SCAPER: variants seen among roughly 807,000 people sequenced by gnomAD.
SCAPER encodes S phase cyclin A-associated protein in the endoplasmic reticulum.
SCAPER carries 98 observed loss-of-function variants against 182.2 expected under a neutral mutation model. That is an observed-to-expected ratio of 0.54 (90% CI 0.46 to 0.64). SCAPER has a LOEUF of 0.64. Among genes scored for constraint, SCAPER ranks in the 30% least tolerant of loss-of-function variants. The pLI, the probability that SCAPER is intolerant of heterozygous loss-of-function variation, is 0.00. For synonymous variants in SCAPER, 605 were observed against 564.6 expected (o/e 1.07, Z -1.01); for missense variants, 1,432 against 1,690.0 (o/e 0.85, Z 2.68).
At chr15:76,642,427 T>G (rs1448346844) in intron 21 of SCAPER, among the ~76,000 whole-genome samples, 2 of 152,238 alleles carry the variant, frequency 1.3e-5, no homozygotes, top group Non-Finnish European at 2.9e-5. Flanking sequence ...ATTTTTATTT[T>G]TATTCTTCAA....
At chr15:76,605,662 T>C (rs2050322671) in intron 22 of SCAPER, among the ~76,000 whole-genome samples, 1 of 152,210 alleles carries the variant, frequency 6.6e-6, no homozygotes, top group African/African-American at 2.4e-5. Flanking sequence ...CTGGACTTTC[T>C]TTGGTTGGTA....
At chr15:76,772,893 G>C (rs1296394477) in intron 9 of SCAPER, among the ~76,000 whole-genome samples, 1 of 151,772 alleles carries the variant, frequency 6.6e-6, no homozygotes, top group Non-Finnish European at 1.5e-5. Context: ...AAATGCTGCA[G>C]TGGCCATAAA....
At chr15:76,721,975 T>A (rs1244907017) in intron 17 of SCAPER, among the ~76,000 whole-genome samples, 1 of 151,986 alleles carries the variant, frequency 6.6e-6, no homozygotes, top group Non-Finnish European at 1.5e-5. Context: ...TGAATAGGAG[T>A]GGTGAGAGAG....
chr15:76,542,322 A>G (rs2044832440), intron 23 of SCAPER, among the ~76,000 whole-genome samples: 1 of 152,066 alleles, frequency 6.6e-6, no homozygotes, highest in Admixed American at 6.6e-5. Flanking sequence ...CAGGAGTTAG[A>G]GACCAGCCTG....
At chr15:76,527,312 G>C (rs2043284974) in intron 23 of SCAPER, among the ~76,000 whole-genome samples, 1 of 152,168 alleles carries the variant, frequency 6.6e-6, no homozygotes, top group Non-Finnish European at 1.5e-5. Context: ...GGTGCATTTT[G>C]GGTGAGAGGC....
intron 16 of SCAPER, among the ~76,000 whole-genome samples, chr15:76,729,273 CACACACACATATATATACACAT>C (rs1475770650): frequency 3.0e-5 from 4 of 135,582 alleles, no homozygotes; most frequent in East Asian, 2.1e-4. Context: ...TATATATACA[CACACACACATATATATACACAT>C]ACACACACAC....
intron 22 of SCAPER, among the ~76,000 whole-genome samples, chr15:76,601,833 A>C (rs941599489): frequency 8.3e-6 from 1 of 121,142 alleles, no homozygotes; most frequent in African/African-American, 2.5e-5. Context: ...CATTCATTTC[A>C]CATAGAAATA....
intron 29 of SCAPER, among the ~76,000 whole-genome samples, chr15:76,374,747 A>G (rs2042426114): frequency 6.6e-6 from 1 of 151,730 alleles, no homozygotes; most frequent in South Asian, 2.1e-4. Flanking sequence ...TCGGCTTCCC[A>G]AAGTGCAGGG....
At chr15:76,655,912 A>T (rs1443098229) in intron 21 of SCAPER, among the ~76,000 whole-genome samples, 2 of 152,194 alleles carry the variant, frequency 1.3e-5, no homozygotes, top group East Asian at 3.8e-4. Context: ...GAGATAGTGG[A>T]AATAGAAAAG....
At chr15:76,833,745 T>C (rs1223556672) in intron 5 of SCAPER, among the ~76,000 whole-genome samples, 4 of 152,146 alleles carry the variant, frequency 2.6e-5, no homozygotes, top group African/African-American at 9.6e-5. Context: ...CAACCAACCA[T>C]GATCAAAAAG....
At chr15:76,419,576 C>T (rs146320155) in intron 26 of SCAPER, among the ~76,000 whole-genome samples, 1,847 of 151,796 alleles carry the variant, frequency 0.012, 79 homozygotes, top group East Asian at 0.12. Context: ...CAAAATTAGC[C>T]GGGTGTGGTG....
intron 1 of SCAPER, among the ~76,000 whole-genome samples, chr15:76,887,133 T>C (rs2073882879): frequency 6.6e-6 from 1 of 152,106 alleles, no homozygotes; most frequent in Non-Finnish European, 1.5e-5. Flanking sequence ...AAACCTGCAC[T>C]TGTACCCCTG....
intron 25 of SCAPER, among the ~76,000 whole-genome samples, chr15:76,435,275 T>C (rs1265620184): frequency 6.6e-6 from 1 of 152,218 alleles, no homozygotes; most frequent in Non-Finnish European, 1.5e-5. Context: ...GTTATTGTTT[T>C]TTCTATTATG....
intron 15 of SCAPER, among the ~76,000 whole-genome samples, chr15:76,745,973 T>G (rs1160304447): frequency 2.0e-5 from 3 of 152,154 alleles, no homozygotes; most frequent in African/African-American, 7.2e-5. Context: ...AAATTCCACT[T>G]CCAGCCATAA....
intron 21 of SCAPER, among the ~76,000 whole-genome samples, chr15:76,658,899 A>G (rs1349367294): frequency 2.6e-5 from 4 of 152,208 alleles, no homozygotes; most frequent in African/African-American, 9.7e-5. Flanking sequence ...TCTTATTTAC[A>G]CCATTTACAA....
At chr15:76,710,429 G>A (rs1194044515) in intron 17 of SCAPER, among the ~76,000 whole-genome samples, 5 of 151,898 alleles carry the variant, frequency 3.3e-5, no homozygotes, top group African/African-American at 1.2e-4. Flanking sequence ...AGTTTAACAA[G>A]GTCATTAAAA....
chr15:76,747,672 A>G (rs910058339), intron 15 of SCAPER, among the ~76,000 whole-genome samples: 5 of 152,034 alleles, frequency 3.3e-5, no homozygotes, highest in African/African-American at 1.2e-4. Flanking sequence ...AAGTTCCCTC[A>G]AGAGCTGGTT....
chr15:76,904,964 C>T (rs565813914), intron 1 of SCAPER, among the ~76,000 whole-genome samples: 2 of 152,314 alleles, frequency 1.3e-5, no homozygotes, highest in East Asian at 3.9e-4. Context: ...ACGCGGCAGC[C>T]CCCCACTCAC....
intron 20 of SCAPER, among the ~76,000 whole-genome samples, chr15:76,694,433 CTACA>C (rs1459274368): frequency 2.6e-5 from 4 of 151,996 alleles, no homozygotes; most frequent in Non-Finnish European, 5.9e-5. Context: ...GTGGTAATCA[CTACA>C]TAGAGTATGC....
Sources: allele counts gnomAD v4.1 joint callset (sites outside exome capture counted in the v4.1 genomes callset), GRCh38; gene constraint gnomAD v4.1.1; transcripts MANE v1.5; gene names NCBI Gene and HGNC (gene_info 2026-07-23, HGNC 2026-07-21).